RAP1GAP2: variants seen among roughly 807,000 people sequenced by gnomAD.
The protein encoded by RAP1GAP2 is RAP1 GTPase activating protein 2, also known as rap1 GTPase-activating protein 2.
Under a neutral mutation model 95.0 loss-of-function variants are expected in RAP1GAP2, and 27 were observed. That is an observed-to-expected ratio of 0.28 (90% CI 0.21 to 0.39). The LOEUF (loss-of-function observed/expected upper bound fraction) is 0.39. Among genes scored for constraint, RAP1GAP2 ranks in the 10% least tolerant of loss-of-function variants. The pLI is 1.00. For missense variants in RAP1GAP2, 771 were observed against 970.0 expected (o/e 0.79, Z 2.72); for synonymous variants, 373 against 380.9 (o/e 0.98, Z 0.24).
At chr17:2,816,034 T>A (rs190053971) in intron 2 of RAP1GAP2, among the ~76,000 whole-genome samples, 3,011 of 151,764 alleles carry the variant, frequency 0.02, 98 homozygotes, top group African/African-American at 0.068. Context: ...ATTCACACTC[T>A]GACCTTATTC....
intron 3 of RAP1GAP2, among the ~76,000 whole-genome samples, chr17:2,927,214 C>T (rs1413649795): frequency 9.9e-5 from 15 of 151,164 alleles, no homozygotes; most frequent in South Asian, 2.1e-4. Context: ...AGTGCAGTGG[C>T]GCGATCTCGG....
intron 2 of RAP1GAP2, among the ~76,000 whole-genome samples, chr17:2,817,921 C>G (rs1344683611): frequency 1.7e-5 from 1 of 59,858 alleles, no homozygotes; most frequent in East Asian, 4.1e-4. Context: ...ACTGCAACCT[C>G]TGCTTCCCAG....
At chr17:2,917,217 T>C (rs1248255139) in intron 3 of RAP1GAP2, among the ~76,000 whole-genome samples, 1 of 152,128 alleles carries the variant, frequency 6.6e-6, no homozygotes, top group African/African-American at 2.4e-5. Flanking sequence ...TAGCTAAGAA[T>C]ACAGTTTCTG....
intron 2 of RAP1GAP2, among the ~76,000 whole-genome samples, chr17:2,859,545 C>T (rs1433283980): frequency 1.3e-5 from 2 of 152,082 alleles, no homozygotes; most frequent in African/African-American, 2.4e-5. Flanking sequence ...GAGTGATTCT[C>T]CCACCTCAGC....
At chr17:2,914,835 A>G (rs943162163) in intron 3 of RAP1GAP2, among the ~76,000 whole-genome samples, 16 of 137,236 alleles carry the variant, frequency 1.2e-4, no homozygotes, top group African/African-American at 4.5e-4. Flanking sequence ...TCTGTCACCC[A>G]GGCTAGAGTG....
At chr17:2,846,456 G>A (rs2071592221) in intron 2 of RAP1GAP2, among the ~76,000 whole-genome samples, 1 of 152,064 alleles carries the variant, frequency 6.6e-6, no homozygotes, top group South Asian at 2.1e-4. Flanking sequence ...TGTCACTCAG[G>A]CTGGACTGCA....
At chr17:2,914,115 C>T (rs9892073) in intron 3 of RAP1GAP2, among the ~76,000 whole-genome samples, 13,072 of 152,078 alleles carry the variant, frequency 0.086, 1,193 homozygotes, top group East Asian at 0.3. Context: ...TCAAGTGATC[C>T]GCCTTCCTCA....
chr17:2,952,038 A>AAAATG (rs1370729992), intron 3 of RAP1GAP2, among the ~76,000 whole-genome samples: 5 of 4,604 alleles, frequency 1.1e-3, no homozygotes, highest in Non-Finnish European at 0.071. Context: ...TGTCTCAGAA[A>AAAATG]AAATAAAATA....
At chr17:2,849,170 T>A (rs1203938807) in intron 2 of RAP1GAP2, among the ~76,000 whole-genome samples, 5 of 152,124 alleles carry the variant, frequency 3.3e-5, no homozygotes, top group Admixed American at 6.5e-5. Context: ...GGTTGTGTGG[T>A]CCATGGAATA....
rs1393212677 is a variant in RAP1GAP2 at position 2,904,112 on chromosome 17, G to A, written c.81-1172G>A. On this transcript the variant is annotated intron_variant, in intron 2 of 24. Transcript: ENST00000254695. The surrounding 1 kb of genome is among the most constrained non-coding windows in gnomAD (Gnocchi z 4.7). ...AGAGGAGGACACACTTGTAAAGTTG[G>A]GGGCTTTGACGGCTCAGCCCGGCCC... Among the ~76,000 whole-genome samples, 1 of 152,154 alleles carries A rather than the reference G, an allele frequency of 6.6e-6. No homozygotes were observed. Among genetic ancestry groups the A allele is most frequent in the Non-Finnish European group, 1.5e-5 (1 of 68,018 alleles).
chr17:2,923,469 C>G (rs2042859348), intron 3 of RAP1GAP2, among the ~76,000 whole-genome samples: 1 of 151,626 alleles, frequency 6.6e-6, no homozygotes, highest in Non-Finnish European at 1.5e-5. Context: ...GCTGGGATTA[C>G]AGACGCATAC....
intron 8 of RAP1GAP2, among the ~76,000 whole-genome samples, chr17:2,970,273 CAAAAAAAAA>C (rs869121536): frequency 6.4e-5 from 7 of 109,582 alleles, no homozygotes; most frequent in Admixed American, 5.8e-4. Flanking sequence ...GACTCTGTCT[CAAAAAAAAA>C]AAAAAAAAAA....
At chr17:2,948,036 C>T (rs565190133) in intron 3 of RAP1GAP2, among the ~76,000 whole-genome samples, 6 of 152,292 alleles carry the variant, frequency 3.9e-5, no homozygotes, top group South Asian at 2.1e-4. Flanking sequence ...TTGTCCCCTC[C>T]GTGTGTCCTG....
chr17:2,992,397 T>TGATCCGCCCGTCTGGGCCTCCC (rs2045794336), intron 12 of RAP1GAP2, among the ~76,000 whole-genome samples: 1 of 151,666 alleles, frequency 6.6e-6, no homozygotes, highest in African/African-American at 2.4e-5. Context: ...CCTGACCTCA[T>TGATCCGCCCGTCTGGGCCTCCC]GATCCGCCCG....
At chr17:2,990,963 G>T (rs187176360) in intron 11 of RAP1GAP2, among the ~76,000 whole-genome samples, 25 of 150,972 alleles carry the variant, frequency 1.7e-4, no homozygotes, top group East Asian at 1.6e-3. Flanking sequence ...TCCTCTCTCA[G>T]TCTCCCGAGC....
At chr17:2,859,976 T>C (rs1440362752) in intron 2 of RAP1GAP2, among the ~76,000 whole-genome samples, 2 of 151,866 alleles carry the variant, frequency 1.3e-5, no homozygotes, top group Non-Finnish European at 2.9e-5. Flanking sequence ...AATTGTGTAG[T>C]TGTCTCTTTT....
intron 3 of RAP1GAP2, among the ~76,000 whole-genome samples, chr17:2,910,616 A>G (rs2042341980): frequency 6.6e-6 from 1 of 152,156 alleles, no homozygotes; most frequent in Admixed American, 6.6e-5. Flanking sequence ...AAGATTAGGG[A>G]TGGGCGATCC....
At chr17:2,918,855 A>C (rs1355770483) in intron 3 of RAP1GAP2, among the ~76,000 whole-genome samples, 1 of 152,182 alleles carries the variant, frequency 6.6e-6, no homozygotes, top group Non-Finnish European at 1.5e-5. Flanking sequence ...GGCTGTAGTG[A>C]AGATTAATTG....
At chr17:2,922,957 C>T (rs2042837328) in intron 3 of RAP1GAP2, among the ~76,000 whole-genome samples, 1 of 151,356 alleles carries the variant, frequency 6.6e-6, no homozygotes, top group African/African-American at 2.4e-5. Context: ...TGGCTCACTG[C>T]ACCCTCTGCC....
Sources: allele counts gnomAD v4.1 joint callset (sites outside exome capture counted in the v4.1 genomes callset), GRCh38; gene constraint gnomAD v4.1.1; non-coding constraint Gnocchi (gnomAD v3.1); transcripts MANE v1.5; gene names NCBI Gene and HGNC (gene_info 2026-07-23, HGNC 2026-07-21).